The following STT3B variants were observed in gnomAD, a reference collection of about 807,000 sequenced individuals.
The protein encoded by STT3B is STT3 oligosaccharyltransferase complex catalytic subunit B, also known as dolichyl-diphosphooligosaccharide--protein glycosyltransferase subunit STT3B.
In STT3B, 29 loss-of-function variants were observed where a neutral mutation model predicts 96.8. The observed-to-expected ratio is 0.30, with a 90% CI of 0.22 to 0.41. The LOEUF is 0.41. Among genes scored for constraint, STT3B ranks in the 10% least tolerant of loss-of-function variants. The probability of loss-of-function intolerance (pLI) is 1.00; values close to 1 mark genes in which losing one functional copy is unlikely to be tolerated. For missense variants in STT3B, 640 were observed against 1,022.3 expected, an observed-to-expected ratio of 0.63 and a Z score of 5.10; for synonymous variants, 367 against 360.0, an observed-to-expected ratio of 1.02 and a Z score of -0.22.
chr3:31,623,902 A>G (rs1453058887), intron 11 of STT3B, 41 bp downstream of exon 11: 4 of 1,455,686 alleles, frequency 2.7e-6, no homozygotes, highest in African/African-American at 1.4e-5. Flanking sequence ...TTATACTTAC[A>G]CTTCTTTTTC....
At chr3:31,534,994 G>A (rs892664552) in intron 1 of STT3B, among the ~76,000 whole-genome samples, 1 of 152,114 alleles carries the variant, frequency 6.6e-6, no homozygotes, top group African/African-American at 2.4e-5. Flanking sequence ...ATGAAAACTA[G>A]TATTTACTGG....
intron 1 of STT3B, among the ~76,000 whole-genome samples, chr3:31,552,549 A>C (rs1362929910): frequency 6.6e-6 from 1 of 152,154 alleles, no homozygotes; most frequent in African/African-American, 2.4e-5. Flanking sequence ...TGCCATCACA[A>C]AACTTGTTCT....
chr3:31,568,660 A>T (rs1698067849), intron 1 of STT3B, among the ~76,000 whole-genome samples: 1 of 152,110 alleles, frequency 6.6e-6, no homozygotes, highest in Admixed American at 6.5e-5. Context: ...TAGAGATATA[A>T]TTTTTTTTAA....
chr3:31,603,867 A>T (rs960746373), intron 5 of STT3B, among the ~76,000 whole-genome samples: 1 of 152,174 alleles, frequency 6.6e-6, no homozygotes, highest in East Asian at 1.9e-4. Context: ...GAAAATGTTA[A>T]TTAAAAGCAG....
chr3:31,594,647 C>T (rs1042265001), intron 3 of STT3B, among the ~76,000 whole-genome samples: 1 of 151,822 alleles, frequency 6.6e-6, no homozygotes. Context: ...CCAGGATGGT[C>T]TCGACCTCGT....
chr3:31,543,364 A>G (rs925876621), intron 1 of STT3B, among the ~76,000 whole-genome samples: 1 of 152,200 alleles, frequency 6.6e-6, no homozygotes, highest in Non-Finnish European at 1.5e-5. Flanking sequence ...TCTAATGAAT[A>G]TAATAATAAC....
At chr3:31,575,156 A>C (rs1698237704) in intron 1 of STT3B, among the ~76,000 whole-genome samples, 1 of 152,120 alleles carries the variant, frequency 6.6e-6, no homozygotes, top group African/African-American at 2.4e-5. Context: ...CTGTTTTACA[A>C]ATGAAGAAAC....
chr3:31,571,882 T>C (rs1330155470), intron 1 of STT3B, among the ~76,000 whole-genome samples: 1 of 149,732 alleles, frequency 6.7e-6, no homozygotes, highest in Non-Finnish European at 1.5e-5. Context: ...AAGTTCATGA[T>C]ATGTTATAAA....
chr3:31,554,115 A>G lies in STT3B; in HGVS notation c.314+20803A>G, dbSNP rs527507826. On this transcript the variant is annotated intron_variant, in intron 1 of 15. Coordinates refer to ENST00000295770, the MANE Select transcript of STT3B (RefSeq NM_178862.3). Reference sequence around the variant, plus strand: ...GGTAGAGTAGTCTTGCTCCAACTACAATTTTGCCAACCACAGTTTGAGATA... The same window carrying G: ...GGTAGAGTAGTCTTGCTCCAACTACGATTTTGCCAACCACAGTTTGAGATA... Among the ~76,000 whole-genome samples, 134 of 152,320 alleles carry G rather than the reference A, an allele frequency of 8.8e-4. 1 individual carries two copies. The highest frequency in any genetic ancestry group is 1.2e-3 in the Admixed American group (19 of 15,306).
intron 1 of STT3B, among the ~76,000 whole-genome samples, chr3:31,572,553 T>TA (rs1350426030): frequency 1.3e-5 from 2 of 152,136 alleles, no homozygotes; most frequent in Non-Finnish European, 2.9e-5. Context: ...AGTTTGAACT[T>TA]ACATTTATAT....
chr3:31,630,691 G>C lies in STT3B; in HGVS notation c.2187+1280G>C, dbSNP rs142764183. 6.3e-3 allele frequency among the ~76,000 whole-genome samples: 966 copies of C among 152,256 alleles called. 6 individuals are homozygous for C. The highest frequency in any genetic ancestry group is 8.9e-3 in the Non-Finnish European group (606 of 68,016). On this transcript the variant is annotated intron_variant, in intron 14 of 15. Coordinates refer to ENST00000295770, the MANE Select transcript of STT3B (RefSeq NM_178862.3). ...TAAGAAAGCAGAGGAAAAATTGCTTGCTTAATTTTATACTATCACTGGGGA... is the reference window on the plus strand; with the variant it reads ...TAAGAAAGCAGAGGAAAAATTGCTTCCTTAATTTTATACTATCACTGGGGA...
chr3:31,597,505 G>A (rs1431337393), intron 4 of STT3B, among the ~76,000 whole-genome samples: 1 of 151,974 alleles, frequency 6.6e-6, no homozygotes, highest in Non-Finnish European at 1.5e-5. Context: ...TAGCCAATCT[G>A]GAGTGCAGTG....
chr3:31,584,671 TAGTG>T (rs948515424), intron 3 of STT3B, among the ~76,000 whole-genome samples: 2 of 152,176 alleles, frequency 1.3e-5, no homozygotes, highest in African/African-American at 4.8e-5. Context: ...GGAGGTTATC[TAGTG>T]AGTTTTTCCT....
intron 6 of STT3B, among the ~76,000 whole-genome samples, 187 bp from the exon 7 acceptor site, chr3:31,616,742 A>C (rs1369194839): frequency 6.6e-6 from 1 of 151,774 alleles, no homozygotes; most frequent in Non-Finnish European, 1.5e-5. Context: ...AAAAAAAAAA[A>C]GTCACAGAAT....
chr3:31,632,850 T>C (rs1575450876), intron 14 of STT3B, 85 bp from the exon 15 acceptor site: 1 of 1,137,812 alleles, frequency 8.8e-7, no homozygotes, highest in East Asian at 2.4e-5. Context: ...GGAGAAGGTA[T>C]TACTGTAATG....
At chr3:31,538,641 A>G (rs1386902727) in intron 1 of STT3B, among the ~76,000 whole-genome samples, 2 of 152,184 alleles carry the variant, frequency 1.3e-5, no homozygotes, top group African/African-American at 4.8e-5. Context: ...TGATTGCAAC[A>G]GTGACTTCTG....
intron 1 of STT3B, among the ~76,000 whole-genome samples, chr3:31,548,663 G>A (rs1330564450): frequency 3.3e-5 from 5 of 151,994 alleles, no homozygotes; most frequent in Admixed American, 2.0e-4. Context: ...TATTCTCCTT[G>A]TATTCTCTTC....
intron 5 of STT3B, among the ~76,000 whole-genome samples, chr3:31,600,661 T>G (rs1698908307): frequency 6.6e-6 from 1 of 152,138 alleles, no homozygotes; most frequent in South Asian, 2.1e-4. Flanking sequence ...AAGTTTTTTT[T>G]TCGTTTTTGT....
chr3:31,552,296 C>A (rs1697581021), intron 1 of STT3B, among the ~76,000 whole-genome samples: 1 of 152,176 alleles, frequency 6.6e-6, no homozygotes. Flanking sequence ...TGATTGAATA[C>A]CTCTTACTTG....
Sources: gnomAD v4.1 joint callset for allele counts (sites outside exome capture counted in the v4.1 genomes callset) on GRCh38, gnomAD v4.1.1 for gene constraint, MANE v1.5 for transcripts, NCBI Gene and HGNC (gene_info 2026-07-23, HGNC 2026-07-21) for gene names.